The following FRAS1 variants were observed in gnomAD, a reference collection of about 807,000 sequenced individuals.
FRAS1 encodes the protein Fraser extracellular matrix complex subunit 1.
In FRAS1, 290 loss-of-function variants were observed where a neutral mutation model predicts 435.2. The observed-to-expected ratio is 0.67, with a 90% CI of 0.61 to 0.73. The LOEUF (loss-of-function observed/expected upper bound fraction) is 0.73. Among genes scored for constraint, FRAS1 ranks in the 30% least tolerant of loss-of-function variants. The pLI is 0.00. For synonymous variants in FRAS1, 1,800 were observed against 1,851.0 expected, an observed-to-expected ratio of 0.97 and a Z score of 0.71; for missense variants, 4,860 against 5,001.5, an observed-to-expected ratio of 0.97 and a Z score of 0.85.
At chr4:78,505,704 T>C (rs1720814553) in intron 61 of FRAS1, among the ~76,000 whole-genome samples, 1 of 152,146 alleles carries the variant, frequency 6.6e-6, no homozygotes, top group African/African-American at 2.4e-5. Flanking sequence ...AGTTTGTTAT[T>C]ACCGACCTTC....
chr4:78,485,390 T>C (rs1171279710), intron 58 of FRAS1, among the ~76,000 whole-genome samples: 2 of 152,230 alleles, frequency 1.3e-5, no homozygotes, highest in African/African-American at 4.8e-5. Context: ...ATTTTATTGA[T>C]GAGCATTGGG....
At chr4:78,300,271 A>G (rs556757983) in intron 14 of FRAS1, among the ~76,000 whole-genome samples, 1 of 152,308 alleles carries the variant, frequency 6.6e-6, no homozygotes, top group East Asian at 1.9e-4. Context: ...CTTAAGGGTA[A>G]GTTTATCCTT....
intron 53 of FRAS1, among the ~76,000 whole-genome samples, chr4:78,474,427 A>G (rs979382498): frequency 6.6e-6 from 1 of 152,242 alleles, no homozygotes; most frequent in African/African-American, 2.4e-5. Context: ...CTTGGGGGAA[A>G]AAAGGAAGAC....
At chr4:78,478,298 A>G (rs527250074) in intron 55 of FRAS1, among the ~76,000 whole-genome samples, 61 of 152,324 alleles carry the variant, frequency 4.0e-4, no homozygotes, top group Non-Finnish European at 4.7e-4. Flanking sequence ...CTTAAATTGG[A>G]CTAGAAGACT....
At position 78,543,312 on chromosome 4, in the gene FRAS1, T is replaced by A. The variant is rs1722112591; in HGVS notation, c.*2188T>A. Reference sequence around the variant, plus strand: ...GGCCCATTATTTGTAACTGTGTAACTGCTCCAAGTGCCAGAATGCTTACAC... The same window carrying A: ...GGCCCATTATTTGTAACTGTGTAACAGCTCCAAGTGCCAGAATGCTTACAC... On this transcript the variant is annotated 3_prime_UTR_variant, in exon 74 of 74. Coordinates refer to ENST00000512123, the MANE Select transcript of FRAS1 (RefSeq NM_025074.7). The A allele has an allele frequency of 6.6e-6, 1 of 152,272 alleles. No individual in the cohort carries two copies. The highest frequency in any genetic ancestry group is 1.9e-4 in the East Asian group (1 of 5,206). The allele number at this position is 152,272 out of a possible 1,614,324, so 9.4% of individuals were successfully genotyped here. A position where few individuals can be genotyped will look rare whatever the true frequency, so the allele number is the denominator to read the frequency against.
At chr4:78,535,760 T>C (rs1721861380) in intron 71 of FRAS1, among the ~76,000 whole-genome samples, 1 of 152,350 alleles carries the variant, frequency 6.6e-6, no homozygotes, top group East Asian at 1.9e-4. Flanking sequence ...TTTGCCATGT[T>C]TCTAAGGCCC....
chr4:78,293,996 C>T (rs778611102), intron 14 of FRAS1, among the ~76,000 whole-genome samples: 2 of 152,192 alleles, frequency 1.3e-5, no homozygotes, highest in African/African-American at 2.4e-5. Context: ...AAATCTGAAC[C>T]CCAAAGTATT....
intron 6 of FRAS1, among the ~76,000 whole-genome samples, chr4:78,260,021 T>C (rs1254715686): frequency 6.6e-6 from 1 of 152,136 alleles, no homozygotes; most frequent in Non-Finnish European, 1.5e-5. Context: ...TAGTTGTAGA[T>C]ATGCGGAGTT....
At chr4:78,453,151 CT>C (rs33957710) in intron 47 of FRAS1, among the ~76,000 whole-genome samples, 6,542 of 152,210 alleles carry the variant, frequency 0.043, 476 homozygotes, top group African/African-American at 0.15. Flanking sequence ...TAAGTAACCT[CT>C]ATTTAATTTA....
At chr4:78,505,939 T>C (rs1720824468) in intron 61 of FRAS1, among the ~76,000 whole-genome samples, 1 of 152,262 alleles carries the variant, frequency 6.6e-6, no homozygotes, top group South Asian at 2.1e-4. Flanking sequence ...TTTGTTGATG[T>C]TGCTGCTATT....
At chr4:78,429,891 A>T (rs537348572) in intron 36 of FRAS1, among the ~76,000 whole-genome samples, 1 of 152,152 alleles carries the variant, frequency 6.6e-6, no homozygotes, top group Non-Finnish European at 1.5e-5. Flanking sequence ...ATCATTGCTC[A>T]CTTGGCTCTT....
At chr4:78,377,634 C>T (rs1029373424) in intron 26 of FRAS1, among the ~76,000 whole-genome samples, 1 of 152,214 alleles carries the variant, frequency 6.6e-6, no homozygotes, top group Non-Finnish European at 1.5e-5. Flanking sequence ...CACATGAATT[C>T]TAAGTATGAG....
intron 66 of FRAS1, among the ~76,000 whole-genome samples, chr4:78,518,886 G>T (rs950713078): frequency 8.5e-5 from 13 of 152,114 alleles, no homozygotes; most frequent in Non-Finnish European, 5.9e-5. Flanking sequence ...TCTGGATGTG[G>T]GCATCTTCCT....
At chr4:78,417,294 T>C (rs186601725) in intron 32 of FRAS1, among the ~76,000 whole-genome samples, 130 of 152,326 alleles carry the variant, frequency 8.5e-4, no homozygotes, top group Non-Finnish European at 1.6e-3. Context: ...TTTATCACTT[T>C]ATTATTTTAA....
At chr4:78,310,525 A>C (rs1300064597) in intron 15 of FRAS1, among the ~76,000 whole-genome samples, 1 of 152,244 alleles carries the variant, frequency 6.6e-6, no homozygotes, top group East Asian at 1.9e-4. Flanking sequence ...AGCTGACATT[A>C]GTCAACCAAT....
intron 38 of FRAS1, among the ~76,000 whole-genome samples, chr4:78,434,804 T>C (rs1441180308): frequency 1.3e-5 from 2 of 152,162 alleles, no homozygotes; most frequent in Non-Finnish European, 2.9e-5. Context: ...GAAAAAAGCA[T>C]GTCCCCTGGT....
chr4:78,406,802 G>T (rs1346079626), intron 30 of FRAS1, among the ~76,000 whole-genome samples: 2 of 152,168 alleles, frequency 1.3e-5, no homozygotes, highest in East Asian at 3.8e-4. Flanking sequence ...ACCACATAGG[G>T]TATAGTGGGG....
intron 35 of FRAS1, among the ~76,000 whole-genome samples, chr4:78,425,375 G>C (rs1390398356): frequency 5.3e-5 from 8 of 152,044 alleles, no homozygotes; most frequent in Non-Finnish European, 1.2e-4. Context: ...AGTCAGACCT[G>C]GTATCTATGC....
At chr4:78,302,003 A>C (rs1326947987) in intron 14 of FRAS1, among the ~76,000 whole-genome samples, 62 of 127,574 alleles carry the variant, frequency 4.9e-4, no homozygotes, top group South Asian at 1.0e-3. Context: ...ATCCCTCCCC[A>C]CTCCCCCCAC....
Sources: allele counts gnomAD v4.1 joint callset (sites outside exome capture counted in the v4.1 genomes callset), GRCh38; gene constraint gnomAD v4.1.1; transcripts MANE v1.5; gene names NCBI Gene and HGNC (gene_info 2026-07-23, HGNC 2026-07-21).